ALDH1A2: variants seen among roughly 807,000 people sequenced by gnomAD.
ALDH1A2 encodes retinal dehydrogenase 2.
Under a neutral mutation model 60.3 loss-of-function variants are expected in ALDH1A2, and 27 were observed. That is an observed-to-expected ratio of 0.45 (90% CI 0.33 to 0.62). The LOEUF (loss-of-function observed/expected upper bound fraction) is 0.62, where lower values mean the gene tolerates loss of function less well. Ranked by LOEUF, ALDH1A2 falls within the 20% of genes least tolerant of loss-of-function variation. The pLI is 0.02. For synonymous variants in ALDH1A2, 289 were observed against 232.4 expected, an observed-to-expected ratio of 1.24 and a Z score of -2.21; for missense variants, 581 against 643.8, an observed-to-expected ratio of 0.90 and a Z score of 1.06.
chr15:57,977,760 G>A (rs757268672), intron 7 of ALDH1A2, among the ~76,000 whole-genome samples: 1 of 151,486 alleles, frequency 6.6e-6, no homozygotes, highest in Non-Finnish European at 1.5e-5. Context: ...GAAAGTCAAT[G>A]GTAGCTTGAT....
rs1399565510 is a variant in ALDH1A2, at chr15:57,954,361, C to G, written c.*836G>C. 1 of 152,694 alleles carries G rather than the reference C, an allele frequency of 6.5e-6. No individual in the cohort carries two copies. Among genetic ancestry groups the G allele is most frequent in the African/African-American group, 2.4e-5 (1 of 41,422 alleles). 9.5% of individuals were successfully genotyped at this position (152,694 alleles called of 1,614,324 possible). A position where few individuals can be genotyped will look rare whatever the true frequency, so the allele number is the denominator to read the frequency against. On this transcript the variant is annotated 3_prime_UTR_variant, in exon 13 of 13. Coordinates refer to ENST00000249750, the MANE Select transcript of ALDH1A2 (RefSeq NM_003888.4). Reference sequence around the variant, plus strand: ...TACTCGGATTGTTTTTTGGTTGGTTCTAAGAAAAACTTTGGAAAAGATCTT... The same window carrying G: ...TACTCGGATTGTTTTTTGGTTGGTTGTAAGAAAAACTTTGGAAAAGATCTT...
intron 12 of ALDH1A2, among the ~76,000 whole-genome samples, chr15:57,959,524 A>C (rs1031559771): frequency 6.6e-6 from 1 of 152,176 alleles, no homozygotes; most frequent in Non-Finnish European, 1.5e-5. Flanking sequence ...AATCATCTAT[A>C]TAACACTAAT....
chr15:58,016,236 G>C (rs1273419879), intron 1 of ALDH1A2, among the ~76,000 whole-genome samples: 1 of 151,434 alleles, frequency 6.6e-6, no homozygotes, highest in South Asian at 2.1e-4. Flanking sequence ...TCTGCCGCCC[G>C]GGGTTCAAGT....
At chr15:57,973,469 T>A (rs974863593) in intron 7 of ALDH1A2, among the ~76,000 whole-genome samples, 11 of 152,170 alleles carry the variant, frequency 7.2e-5, no homozygotes, top group African/African-American at 2.7e-4. Flanking sequence ...GCAGAAGCCA[T>A]GTTCTAATCC....
At chr15:58,023,972 A>T (rs376191849) in intron 1 of ALDH1A2, among the ~76,000 whole-genome samples, 162 of 152,328 alleles carry the variant, frequency 1.1e-3, no homozygotes, top group African/African-American at 3.8e-3. Flanking sequence ...ACATGCCTGT[A>T]ATCTCAGCTA....
At chr15:58,051,363 A>G (rs1325735829) in intron 1 of ALDH1A2, among the ~76,000 whole-genome samples, 2 of 72,604 alleles carry the variant, frequency 2.8e-5, no homozygotes, top group Admixed American at 2.3e-4. Flanking sequence ...TTCTCTTTTT[A>G]TTTATTTATT....
At chr15:58,006,859 TAAAAA>T (rs35453203) in intron 4 of ALDH1A2, among the ~76,000 whole-genome samples, 6 of 139,870 alleles carry the variant, frequency 4.3e-5, no homozygotes, top group African/African-American at 5.3e-5. Context: ...CTCATATTGT[TAAAAA>T]AAAAAAAAAA....
intron 4 of ALDH1A2, among the ~76,000 whole-genome samples, chr15:57,996,023 G>A (rs574450297): frequency 7.2e-5 from 11 of 151,982 alleles, no homozygotes; most frequent in South Asian, 2.1e-4. Flanking sequence ...CTCCACTGCC[G>A]GCCCTTAGGC....
intron 1 of ALDH1A2, among the ~76,000 whole-genome samples, chr15:58,062,653 C>T (rs1337608166): frequency 6.6e-6 from 1 of 151,958 alleles, no homozygotes; most frequent in Non-Finnish European, 1.5e-5. Flanking sequence ...CCCCTCAATA[C>T]TTCATGTTAG....
chr15:57,953,928 G>T lies in ALDH1A2; in HGVS notation c.*1269C>A, dbSNP rs1285925759. On this transcript the variant is annotated 3_prime_UTR_variant, in exon 13 of 13. Transcript: ENST00000249750. Reference sequence around the variant, plus strand: ...ACACTTCCCACATCAAACTGGTGGAGTCACTGGAAAGCAGAAGAGGAGTAT... The same window carrying T: ...ACACTTCCCACATCAAACTGGTGGATTCACTGGAAAGCAGAAGAGGAGTAT... The T allele has an allele frequency of 6.6e-6, 1 of 152,486 alleles. No homozygotes were observed. Among genetic ancestry groups the T allele is most frequent in the African/African-American group, 2.4e-5 (1 of 41,462 alleles). The allele number at this position is 152,486 out of a possible 1,614,324, so 9.4% of individuals were successfully genotyped here.
At chr15:57,984,470 T>TTCTA (rs1246142421) in intron 7 of ALDH1A2, among the ~76,000 whole-genome samples, 1 of 152,210 alleles carries the variant, frequency 6.6e-6, no homozygotes, top group Non-Finnish European at 1.5e-5. Context: ...CAACCATTAC[T>TTCTA]TCTATCTGAG....
At chr15:58,064,485 A>C (rs1897121279) in intron 1 of ALDH1A2, among the ~76,000 whole-genome samples, 1 of 152,190 alleles carries the variant, frequency 6.6e-6, no homozygotes, top group Admixed American at 6.5e-5. Context: ...TTCTCTACAA[A>C]ATTTATCTTG....
intron 12 of ALDH1A2, among the ~76,000 whole-genome samples, chr15:57,955,841 T>C (rs1304988944): frequency 4.6e-5 from 7 of 152,054 alleles, no homozygotes; most frequent in Admixed American, 4.6e-4. Context: ...CCTCCACATC[T>C]CTTCTCTATT....
chr15:58,022,599 G>C (rs1397881059), intron 1 of ALDH1A2, among the ~76,000 whole-genome samples: 1 of 152,090 alleles, frequency 6.6e-6, no homozygotes, highest in Non-Finnish European at 1.5e-5. Context: ...TCCACACTGA[G>C]GCACAAAGAC....
intron 1 of ALDH1A2, among the ~76,000 whole-genome samples, chr15:58,048,933 C>T (rs1172521605): frequency 3.4e-5 from 5 of 146,474 alleles, no homozygotes; most frequent in Non-Finnish European, 5.9e-5. Context: ...CCCCACCCCA[C>T]CCCACAAATT....
chr15:57,958,920 T>G (rs879569980), intron 12 of ALDH1A2, among the ~76,000 whole-genome samples: 1 of 152,130 alleles, frequency 6.6e-6, no homozygotes, highest in Non-Finnish European at 1.5e-5. Flanking sequence ...GAAGGTCCAA[T>G]CACCATAGGG....
intron 1 of ALDH1A2, among the ~76,000 whole-genome samples, chr15:58,025,995 T>C (rs574086252): frequency 3.1e-4 from 47 of 152,156 alleles, no homozygotes; most frequent in South Asian, 6.2e-4. Context: ...ACCTCCAACA[T>C]TGGGGATCAC....
chr15:57,955,120 C>T lies in ALDH1A2; in HGVS notation c.*77G>A, dbSNP rs1360284285. 4.2e-6 allele frequency: 6 copies of T among 1,436,594 alleles called. No individual in the cohort carries two copies. The highest frequency in any genetic ancestry group is 1.4e-5 in the African/African-American group (1 of 71,304). The allele number at this position is 1,436,594 out of a possible 1,614,324, so 89.0% of individuals were successfully genotyped here. On this transcript the variant is annotated 3_prime_UTR_variant, in exon 13 of 13. Coordinates refer to ENST00000249750, the MANE Select transcript of ALDH1A2 (RefSeq NM_003888.4). ...AAGGACCGTGGCTCAACTTTGTATT[C>T]CTGAGAGCTGGGCCCTACAGAGAAA...
intron 7 of ALDH1A2, among the ~76,000 whole-genome samples, chr15:57,967,421 G>A (rs755385945): frequency 2.0e-5 from 3 of 152,200 alleles, no homozygotes; most frequent in Admixed American, 6.5e-5. Flanking sequence ...TTTCTTCCAC[G>A]TTCAATGGAC....
Sources: allele counts gnomAD v4.1 joint callset (sites outside exome capture counted in the v4.1 genomes callset), GRCh38; gene constraint gnomAD v4.1.1; transcripts MANE v1.5; gene names NCBI Gene and HGNC (gene_info 2026-07-23, HGNC 2026-07-21).